The following TBC1D5 variants were observed in gnomAD, a reference collection of about 807,000 sequenced individuals.
TBC1D5 encodes TBC1 domain family member 5.
TBC1D5 carries 75 observed loss-of-function variants against 100.3 expected under a neutral mutation model. The observed-to-expected ratio is 0.75, with a 90% CI of 0.62 to 0.91. The LOEUF (loss-of-function observed/expected upper bound fraction) is 0.91. Ranked by LOEUF, TBC1D5 falls within the 40% of genes least tolerant of loss-of-function variation. The pLI is 0.00. For synonymous variants in TBC1D5, 323 were observed against 325.6 expected (o/e 0.99, Z 0.09); for missense variants, 910 against 942.4 (o/e 0.97, Z 0.45).
chr3:17,255,103 T>C (rs1009532984), intron 16 of TBC1D5, among the ~76,000 whole-genome samples: 6 of 152,148 alleles, frequency 3.9e-5, no homozygotes, highest in Admixed American at 1.3e-4. Context: ...GGAATGAGTA[T>C]AGAGAAGAAA....
intron 14 of TBC1D5, among the ~76,000 whole-genome samples, chr3:17,293,735 TC>T (rs2081982920): frequency 6.6e-6 from 1 of 152,220 alleles, no homozygotes; most frequent in African/African-American, 2.4e-5. Context: ...GAGTCCTTAC[TC>T]TGGAGAAAAT....
intron 1 of TBC1D5, among the ~76,000 whole-genome samples, chr3:17,705,110 A>C (rs1175255407): frequency 8.1e-5 from 4 of 49,440 alleles, no homozygotes; most frequent in Admixed American, 4.3e-4. Context: ...CTGACCCCCC[A>C]CCTCCCTCCC....
intron 2 of TBC1D5, among the ~76,000 whole-genome samples, chr3:17,544,104 C>G (rs1287865199): frequency 6.6e-6 from 1 of 151,932 alleles, no homozygotes; most frequent in East Asian, 1.9e-4. Context: ...TCTTGACCTC[C>G]TGATCCGCCT....
At chr3:17,439,027 G>A (rs1329185812) in intron 3 of TBC1D5, among the ~76,000 whole-genome samples, 1 of 152,006 alleles carries the variant, frequency 6.6e-6, no homozygotes, top group African/African-American at 2.4e-5. Flanking sequence ...AATACCTATA[G>A]AATATTTATA....
At chr3:17,499,106 G>T (rs192218338) in intron 3 of TBC1D5, among the ~76,000 whole-genome samples, 1 of 152,212 alleles carries the variant, frequency 6.6e-6, no homozygotes, top group Admixed American at 6.5e-5. Flanking sequence ...TCCTCCCTTG[G>T]ATATTCAAGT....
intron 1 of TBC1D5, among the ~76,000 whole-genome samples, chr3:17,721,817 C>T (rs1246079666): frequency 6.6e-6 from 1 of 151,966 alleles, no homozygotes; most frequent in Non-Finnish European, 1.5e-5. Flanking sequence ...CCCATCTCTA[C>T]TAAAAACACA....
chr3:17,258,618 C>T lies in TBC1D5; in HGVS notation c.1246-27G>A, dbSNP rs369962816. 29 of 1,582,720 alleles carry T rather than the reference C, an allele frequency of 1.8e-5. No homozygotes were observed. The African/African-American group carries it at 3.9e-4, about 21-fold the overall frequency. ...TAAAAAAAAATACATTTTTAAAAAG[C>T]TAGTTAAATGATTTAATCCATTAAC... On this transcript the variant is annotated intron_variant, in intron 15 of 21. Coordinates refer to ENST00000253692, the Ensembl canonical transcript of TBC1D5.
chr3:17,518,137 T>C (rs891481576), intron 2 of TBC1D5, among the ~76,000 whole-genome samples: 6 of 152,144 alleles, frequency 3.9e-5, no homozygotes, highest in African/African-American at 1.2e-4. Context: ...GAAGAAGTGA[T>C]AGGGACCGGG....
intron 8 of TBC1D5, among the ~76,000 whole-genome samples, chr3:17,399,506 T>C (rs1487133034): frequency 1.3e-5 from 2 of 152,254 alleles, no homozygotes; most frequent in African/African-American, 2.4e-5. Context: ...TCTTTATTAC[T>C]ACATTTTTAG....
chr3:17,189,456 G>A (rs531669194), intron 18 of TBC1D5, among the ~76,000 whole-genome samples: 2 of 152,256 alleles, frequency 1.3e-5, no homozygotes, highest in East Asian at 3.9e-4. Context: ...TGTAATTGGT[G>A]CCCTATAGCA....
At chr3:17,351,934 T>G (rs375007932) in intron 13 of TBC1D5, among the ~76,000 whole-genome samples, 2 of 150,556 alleles carry the variant, frequency 1.3e-5, no homozygotes, top group Non-Finnish European at 3.0e-5. Flanking sequence ...AATCCGTTTT[T>G]TTTTCCCCCC....
At chr3:17,689,207 G>T (rs890290658) in intron 1 of TBC1D5, among the ~76,000 whole-genome samples, 1 of 152,094 alleles carries the variant, frequency 6.6e-6, no homozygotes, top group Non-Finnish European at 1.5e-5. Flanking sequence ...ACAAAAAAGT[G>T]AAATAGATGG....
intron 8 of TBC1D5, among the ~76,000 whole-genome samples, chr3:17,399,440 C>T (rs2093592857): frequency 6.6e-6 from 1 of 152,106 alleles, no homozygotes; most frequent in Non-Finnish European, 1.5e-5. Context: ...TAATGATCCC[C>T]TAATTTGTAT....
rs140641628 is a variant in TBC1D5 at position 17,523,317 on chromosome 3, G to C, written c.-35-14712C>G. 3.3e-5 allele frequency among the ~76,000 whole-genome samples: 5 copies of C among 152,262 alleles called. No individual in the cohort carries two copies. The East Asian group carries it at 7.7e-4, about 23-fold the overall frequency. ...GGGGAAAGGAACATCAGGAAATAGA[G>C]ATGAGAAGAGAAGAAACATCTCCTG... is the stretch of plus-strand genomic sequence containing the variant. On this transcript the variant is annotated intron_variant, in intron 2 of 21. Coordinates refer to ENST00000253692, the Ensembl canonical transcript of TBC1D5.
intron 7 of TBC1D5, among the ~76,000 whole-genome samples, chr3:17,403,468 T>C (rs1234956989): frequency 6.6e-6 from 1 of 152,064 alleles, no homozygotes; most frequent in Non-Finnish European, 1.5e-5. Context: ...GATATTATCA[T>C]ATAAAGTCAG....
At chr3:17,225,575 G>T (rs1466415929) in intron 17 of TBC1D5, among the ~76,000 whole-genome samples, 4 of 152,170 alleles carry the variant, frequency 2.6e-5, no homozygotes, top group Admixed American at 2.6e-4. Context: ...GCCGAGACTG[G>T]AGGATTGCCT....
At chr3:17,656,988 C>T (rs1054544890) in intron 1 of TBC1D5, among the ~76,000 whole-genome samples, 1 of 152,012 alleles carries the variant, frequency 6.6e-6, no homozygotes, top group Non-Finnish European at 1.5e-5. Context: ...TAATAGGTTC[C>T]AGGTCTAGCC....
At chr3:17,523,285 A>G (rs73155205) in intron 2 of TBC1D5, among the ~76,000 whole-genome samples, 10,497 of 152,208 alleles carry the variant, frequency 0.069, 709 homozygotes, top group African/African-American at 0.18. Context: ...ACTATGTACA[A>G]TGGCATGGGG....
chr3:17,539,291 T>C (rs933751837), intron 2 of TBC1D5, among the ~76,000 whole-genome samples: 7 of 152,170 alleles, frequency 4.6e-5, no homozygotes, highest in African/African-American at 1.7e-4. Context: ...AGCCTCCAGG[T>C]AGCAGGCTTC....
Sources: allele counts gnomAD v4.1 joint callset (sites outside exome capture counted in the v4.1 genomes callset), GRCh38; gene constraint gnomAD v4.1.1; transcripts MANE v1.5; gene names NCBI Gene and HGNC (gene_info 2026-07-23, HGNC 2026-07-21).